The following MYO18B variants were observed in gnomAD, a reference collection of about 807,000 sequenced individuals.
MYO18B encodes the protein myosin XVIIIB, also known as unconventional myosin-XVIIIb.
A neutral mutation model predicts 273.0 loss-of-function variants in MYO18B; 204 were observed. The observed-to-expected ratio is 0.75, with a 90% CI of 0.67 to 0.84. The LOEUF (loss-of-function observed/expected upper bound fraction) is 0.84. Ranked by LOEUF, MYO18B falls within the 40% of genes least tolerant of loss-of-function variation. The probability of loss-of-function intolerance (pLI) is 0.00; values close to 1 mark genes in which losing one functional copy is unlikely to be tolerated. For synonymous variants in MYO18B, 1,330 were observed against 1,305.7 expected (o/e 1.02, Z -0.40); for missense variants, 3,212 against 3,287.6 (o/e 0.98, Z 0.56).
intron 1 of MYO18B, among the ~76,000 whole-genome samples, chr22:25,751,406 C>T (rs2085927564): frequency 1.3e-5 from 2 of 152,260 alleles, no homozygotes; most frequent in South Asian, 4.1e-4. Flanking sequence ...CTCTGCCCTA[C>T]CCCTGAATGT....
intron 39 of MYO18B, among the ~76,000 whole-genome samples, chr22:25,980,071 G>T (rs535963207): frequency 6.6e-6 from 1 of 152,254 alleles, no homozygotes; most frequent in South Asian, 2.1e-4. Flanking sequence ...GAGGACAGGG[G>T]TAGGAAACTC....
At chr22:25,814,817 G>A (rs1392500088) in intron 12 of MYO18B, among the ~76,000 whole-genome samples, 3 of 152,154 alleles carry the variant, frequency 2.0e-5, no homozygotes, top group African/African-American at 7.2e-5. Flanking sequence ...TAAGTGCTTT[G>A]TATGGATTAT....
intron 18 of MYO18B, among the ~76,000 whole-genome samples, 156 bp downstream of exon 18, chr22:25,844,050 G>A (rs2090163907): frequency 6.6e-6 from 1 of 152,206 alleles, no homozygotes; most frequent in South Asian, 2.1e-4. Context: ...ACTTGAATTG[G>A]AGCAGTGCAG....
chr22:25,823,302 C>T (rs898712779), intron 12 of MYO18B, among the ~76,000 whole-genome samples: 49 of 152,288 alleles, frequency 3.2e-4, no homozygotes, highest in Middle Eastern at 6.8e-3. Flanking sequence ...GCGAGGAAGT[C>T]GGATAAGCAA....
chr22:26,016,785 C>T (rs1166165026), intron 42 of MYO18B, among the ~76,000 whole-genome samples: 1 of 152,134 alleles, frequency 6.6e-6, no homozygotes, highest in African/African-American at 2.4e-5. Flanking sequence ...AGTAAATAGA[C>T]AACCACAGTA....
intron 7 of MYO18B, among the ~76,000 whole-genome samples, chr22:25,774,925 T>G (rs898306565): frequency 3.3e-5 from 5 of 152,214 alleles, no homozygotes; most frequent in African/African-American, 1.2e-4. Context: ...CCGCCGCAAC[T>G]GTTGCGTGCA....
chr22:25,916,582 A>C (rs2092264142), intron 33 of MYO18B, among the ~76,000 whole-genome samples: 1 of 152,086 alleles, frequency 6.6e-6, no homozygotes, highest in African/African-American at 2.4e-5. Context: ...TTGAGTTTCA[A>C]GTTTATTAAC....
chr22:25,902,753 A>T lies in MYO18B; in HGVS notation c.4947+17A>T. ...CAGCTGAAGGTAAGGGATGGGGGACACAGAGCTATCTTGGCTCTTGGTGGC... is the reference window on the plus strand; with the variant it reads ...CAGCTGAAGGTAAGGGATGGGGGACTCAGAGCTATCTTGGCTCTTGGTGGC... On this transcript the variant is annotated intron_variant, in intron 30 of 43. Transcript: ENST00000335473. 1 of 1,568,882 alleles carries T rather than the reference A, an allele frequency of 6.4e-7. No individual in the cohort carries two copies. Among genetic ancestry groups the T allele is most frequent in the Non-Finnish European group, 8.6e-7 (1 of 1,156,168 alleles).
chr22:25,794,732 C>T (rs1056720640), intron 11 of MYO18B, among the ~76,000 whole-genome samples: 2 of 148,686 alleles, frequency 1.3e-5, no homozygotes, highest in African/African-American at 2.5e-5. Context: ...TCACGATCTC[C>T]TGACCTCATG....
At chr22:26,025,216 C>G (rs879700560) in intron 42 of MYO18B, among the ~76,000 whole-genome samples, 1 of 152,184 alleles carries the variant, frequency 6.6e-6, no homozygotes, top group Non-Finnish European at 1.5e-5. Context: ...CATTCCCTCC[C>G]GTGCCTTCCA....
At chr22:25,985,768 T>G (rs1353633830) in intron 39 of MYO18B, among the ~76,000 whole-genome samples, 6 of 152,142 alleles carry the variant, frequency 3.9e-5, no homozygotes, top group African/African-American at 1.4e-4. Context: ...TAGCTGGGAC[T>G]ACAGGTGCAT....
intron 42 of MYO18B, among the ~76,000 whole-genome samples, chr22:26,015,788 C>T (rs192465392): frequency 6.6e-6 from 1 of 152,224 alleles, no homozygotes; most frequent in East Asian, 1.9e-4. Context: ...TGCACATGTA[C>T]CCCTGAACTT....
rs191015282 is a variant in MYO18B at position 25,961,652 on chromosome 22, C to T, written c.6156+6288C>T. 2.4e-3 allele frequency among the ~76,000 whole-genome samples: 371 copies of T among 152,294 alleles called. 2 individuals carry two copies. Among genetic ancestry groups the T allele is most frequent in the Middle Eastern group, 0.014 (4 of 294 alleles). The stretch of plus-strand genomic sequence containing the variant: ...TAGTTACAGGGCCCGGGGAACCACC[C>T]TGGCCCCAGAACTGGGTAATCAAGG... On this transcript the variant is annotated intron_variant, in intron 39 of 43. Coordinates refer to ENST00000335473, the MANE Select transcript of MYO18B (RefSeq NM_032608.7).
At chr22:25,804,033 A>G (rs947234808) in intron 12 of MYO18B, among the ~76,000 whole-genome samples, 5 of 151,918 alleles carry the variant, frequency 3.3e-5, no homozygotes, top group Non-Finnish European at 7.4e-5. Flanking sequence ...ACTAAACCAC[A>G]GAGGGAATCT....
At chr22:25,808,075 C>G (rs2088565531) in intron 12 of MYO18B, among the ~76,000 whole-genome samples, 1 of 152,126 alleles carries the variant, frequency 6.6e-6, no homozygotes, top group Non-Finnish European at 1.5e-5. Context: ...GACTTTTGCT[C>G]TCTGTTTTAT....
Position 25,989,583 on chromosome 22 carries a change from C to A in MYO18B, c.6157-2780C>A, listed in dbSNP as rs143197291. On this transcript the variant is annotated intron_variant, in intron 39 of 43. Coordinates refer to ENST00000335473, the MANE Select transcript of MYO18B (RefSeq NM_032608.7). ...GGATCACGAGGTCAGGAAATCAAGA[C>A]CATCCTGGCTAACACGGTGAAACCC... 1.5e-3 allele frequency among the ~76,000 whole-genome samples: 215 copies of A among 140,014 alleles called. 1 individual carries two copies. The highest frequency in any genetic ancestry group is 5.9e-3 in the African/African-American group (213 of 36,410). The allele number at this position is 140,014 out of a possible 152,430, so 91.9% of individuals were successfully genotyped here. A position where few individuals can be genotyped will look rare whatever the true frequency, so the allele number is the denominator to read the frequency against.
At chr22:25,830,473 G>A (rs1337665146) in intron 15 of MYO18B, among the ~76,000 whole-genome samples, 1 of 152,188 alleles carries the variant, frequency 6.6e-6, no homozygotes, top group African/African-American at 2.4e-5. Flanking sequence ...TCAGGTGTAG[G>A]TTGGGGTAGA....
chr22:25,811,174 C>T (rs1368791801), intron 12 of MYO18B, among the ~76,000 whole-genome samples: 3 of 149,710 alleles, frequency 2.0e-5, no homozygotes, highest in Non-Finnish European at 4.4e-5. Context: ...CCACTGTGCC[C>T]GGCTATTTTT....
intron 12 of MYO18B, among the ~76,000 whole-genome samples, chr22:25,814,559 A>G (rs561291030): frequency 6.6e-6 from 1 of 152,094 alleles, no homozygotes; most frequent in South Asian, 2.1e-4. Flanking sequence ...GAGGGGAGAA[A>G]GAACTTGCCA....
Sources: gnomAD v4.1 joint callset for allele counts (sites outside exome capture counted in the v4.1 genomes callset) on GRCh38, gnomAD v4.1.1 for gene constraint, MANE v1.5 for transcripts, NCBI Gene and HGNC (gene_info 2026-07-23, HGNC 2026-07-21) for gene names.